AKT3: variants seen among roughly 807,000 people sequenced by gnomAD.
AKT3 encodes the protein RAC-gamma serine/threonine-protein kinase.
A neutral mutation model predicts 65.3 loss-of-function variants in AKT3; 15 were observed. The ratio of observed to expected loss-of-function variants is 0.23; its 90% CI spans 0.15 to 0.35. The LOEUF (loss-of-function observed/expected upper bound fraction) is 0.35, where lower values mean the gene tolerates loss of function less well. Ranked by LOEUF, AKT3 falls within the 10% of genes least tolerant of loss-of-function variation. The pLI is 1.00. For synonymous variants in AKT3, 206 were observed against 183.8 expected, an observed-to-expected ratio of 1.12 and a Z score of -0.98; for missense variants, 243 against 576.5, an observed-to-expected ratio of 0.42 and a Z score of 5.92.
intron 2 of AKT3, among the ~76,000 whole-genome samples, chr1:243,699,466 T>C (rs868581163): frequency 0.059 from 59 of 1,002 alleles, no homozygotes; most frequent in African/African-American, 0.094. Context: ...CCTCTTCCAC[T>C]ATATATATAT....
intron 13 of AKT3, among the ~76,000 whole-genome samples, chr1:243,491,469 G>T (rs1370609534): frequency 6.6e-6 from 1 of 152,218 alleles, no homozygotes; most frequent in Non-Finnish European, 1.5e-5. Context: ...AAGAAATTTG[G>T]TAGAGGGAAT....
chr1:243,495,975 T>C (rs1667754095), downstream of AKT3, among the ~76,000 whole-genome samples: 1 of 152,184 alleles, frequency 6.6e-6, no homozygotes, highest in South Asian at 2.1e-4. Flanking sequence ...AGACATGTGT[T>C]AGCTTTCATG....
At chr1:243,496,997 G>A (rs1668092099), downstream of AKT3, among the ~76,000 whole-genome samples, 1 of 152,212 alleles carries the variant, frequency 6.6e-6, no homozygotes, top group African/African-American at 2.4e-5. Context: ...GAGGGCCACA[G>A]CAAGGGCCAT....
At chr1:243,771,103 T>C (rs1210582321) in intron 2 of AKT3, among the ~76,000 whole-genome samples, 2 of 152,202 alleles carry the variant, frequency 1.3e-5, no homozygotes, top group Non-Finnish European at 2.9e-5. Context: ...ATGTTGTATA[T>C]GTAAAATGTA....
At chr1:243,754,882 C>A (rs1028054919) in intron 2 of AKT3, among the ~76,000 whole-genome samples, 5 of 152,088 alleles carry the variant, frequency 3.3e-5, no homozygotes, top group African/African-American at 9.7e-5. Context: ...CATCTTATAG[C>A]GCACAGGACA....
rs749228367 is a variant in AKT3 at position 243,664,776 on chromosome 1, C to T, written c.280G>A (p.Glu94Lys). 2.0e-6 allele frequency: 3 copies of T among 1,481,740 alleles called. No homozygotes were observed. Among genetic ancestry groups the T allele is most frequent in the Non-Finnish European group, 1.8e-6 (2 of 1,104,452 alleles). The allele number at this position is 1,481,740 out of a possible 1,614,324, so 91.8% of individuals were successfully genotyped here. A position where few individuals can be genotyped will look rare whatever the true frequency, so the allele number is the denominator to read the frequency against. Residue 94 changes from glutamate (E) to lysine (K), a missense_variant, in exon 4 of 14, where the codon GAA becomes AAA. Around this residue, in one of 6 missense-constraint regions of AKT3, gnomAD observed 72 missense variants for 86.0 expected, o/e 0.84. Coordinates refer to ENST00000673466, the MANE Select transcript of AKT3 (RefSeq NM_005465.7). ...ERTFHVDTPEEREEWTEAIQA... is the reference protein window; with the variant it reads ...ERTFHVDTPEKREEWTEAIQA... ...GAAAACAAGTGAATTTCTTACCTTTCCTCTGGAGTATCTACATGAAATGTT... is the reference window on the plus strand; with the variant it reads ...GAAAACAAGTGAATTTCTTACCTTTTCTCTGGAGTATCTACATGAAATGTT...
intron 2 of AKT3, among the ~76,000 whole-genome samples, chr1:243,815,699 G>C (rs1355059174): frequency 2.0e-5 from 3 of 149,440 alleles, no homozygotes; most frequent in East Asian, 4.0e-4. Context: ...CCAGGCTCAA[G>C]AACTTAGAGA....
At chr1:243,541,196 G>A (rs1672292224) in intron 12 of AKT3, among the ~76,000 whole-genome samples, 1 of 152,022 alleles carries the variant, frequency 6.6e-6, no homozygotes. Context: ...ATGGTGATTT[G>A]ATTTTCTACT....
chr1:243,532,615 T>C (rs1262587520), intron 12 of AKT3, among the ~76,000 whole-genome samples: 2 of 152,208 alleles, frequency 1.3e-5, no homozygotes, highest in Non-Finnish European at 2.9e-5. Context: ...GTAGTTTTCT[T>C]TTCTTATAAT....
intron 8 of AKT3, among the ~76,000 whole-genome samples, chr1:243,596,690 C>T (rs1387180204): frequency 6.6e-6 from 1 of 152,082 alleles, no homozygotes; most frequent in Non-Finnish European, 1.5e-5. Context: ...TAAGCATATG[C>T]TTACCATAAA....
chr1:243,729,977 G>GAGGCAGACAAATTCCT (rs1226698714), intron 2 of AKT3, among the ~76,000 whole-genome samples: 3 of 152,170 alleles, frequency 2.0e-5, no homozygotes, highest in Non-Finnish European at 2.9e-5. Context: ...ATAGTGGCAG[G>GAGGCAGACAAATTCCT]AGGCAGACAA....
At chr1:243,518,520 G>C (rs1245122833) in intron 12 of AKT3, among the ~76,000 whole-genome samples, 2 of 152,164 alleles carry the variant, frequency 1.3e-5, no homozygotes, top group Non-Finnish European at 2.9e-5. Context: ...AGCTACTTGG[G>C]AGGCTGAGGC....
intron 2 of AKT3, among the ~76,000 whole-genome samples, chr1:243,821,975 T>C (rs2148425038): frequency 6.6e-6 from 1 of 152,292 alleles, no homozygotes; most frequent in South Asian, 2.1e-4. Context: ...CAACAGAATA[T>C]ACATTCTTCT....
At position 243,500,573 on chromosome 1, in the gene AKT3, A is replaced by AACGG. The variant is rs1232701100; in HGVS notation, c.*4672_*4675dup. ...CCCTCAAATGCTTTAAAGTAATAAAAACGGACACTGGACATACCGTGTTGT... is the reference window on the plus strand; with the variant it reads ...CCCTCAAATGCTTTAAAGTAATAAAAACGGACGGACACTGGACATACCGTGTTGT... On this transcript the variant is annotated 3_prime_UTR_variant, in exon 14 of 14. Transcript: ENST00000673466. The AACGG allele has an allele frequency of 4.4e-6, 1 of 228,678 alleles. No individual in the cohort carries two copies. The highest frequency in any genetic ancestry group is 8.7e-6 in the Non-Finnish European group (1 of 115,334). 14.2% of individuals were successfully genotyped at this position (228,678 alleles called of 1,614,324 possible). A position where few individuals can be genotyped will look rare whatever the true frequency, so the allele number is the denominator to read the frequency against.
intron 2 of AKT3, among the ~76,000 whole-genome samples, chr1:243,745,641 T>A (rs113259803): frequency 6.6e-6 from 1 of 152,292 alleles, no homozygotes; most frequent in African/African-American, 2.4e-5. Context: ...CAGAACAGCT[T>A]TGAATGCGCC....
chr1:243,498,084 C>T (rs1448475686), downstream of AKT3, among the ~76,000 whole-genome samples: 1 of 152,212 alleles, frequency 6.6e-6, no homozygotes, highest in African/African-American at 2.4e-5. Context: ...AAGAGCGAGG[C>T]CACCAGGCCA....
downstream of AKT3, among the ~76,000 whole-genome samples, chr1:243,497,517 T>G (rs1002120815): frequency 6.6e-5 from 10 of 152,088 alleles, no homozygotes; most frequent in Non-Finnish European, 1.5e-4. Flanking sequence ...CGTACATCTG[T>G]GTCACCCCCA....
At chr1:243,816,256 T>C (rs1693513947) in intron 2 of AKT3, among the ~76,000 whole-genome samples, 1 of 152,212 alleles carries the variant, frequency 6.6e-6, no homozygotes, top group African/African-American at 2.4e-5. Context: ...AATTGCTTTT[T>C]GAACTAGCAT....
At chr1:243,820,940 TAAGATACTCC>T (rs1186927614) in intron 2 of AKT3, among the ~76,000 whole-genome samples, 14 of 152,024 alleles carry the variant, frequency 9.2e-5, no homozygotes, top group Admixed American at 7.2e-4. Context: ...AGAACCCCAG[TAAGATACTCC>T]ATGAGAAGAT....
Sources: allele counts gnomAD v4.1 joint callset (sites outside exome capture counted in the v4.1 genomes callset), GRCh38; gene constraint gnomAD v4.1.1; regional missense constraint gnomAD v4.1.1; transcripts MANE v1.5; gene names NCBI Gene and HGNC (gene_info 2026-07-23, HGNC 2026-07-21).